The following CCNJ variants were observed in gnomAD, a reference collection of about 807,000 sequenced individuals.
The protein encoded by CCNJ is cyclin-J.
In CCNJ, 12 loss-of-function variants were observed where a neutral mutation model predicts 41.4. The ratio of observed to expected loss-of-function variants is 0.29; its 90% confidence interval spans 0.19 to 0.47. The LOEUF (loss-of-function observed/expected upper bound fraction) is 0.47. Ranked by LOEUF, CCNJ falls within the 20% of genes least tolerant of loss-of-function variation. The pLI is 1.00. For missense variants in CCNJ, 340 were observed against 464.6 expected, an observed-to-expected ratio of 0.73 and a Z score of 2.47; for synonymous variants, 161 against 173.4, an observed-to-expected ratio of 0.93 and a Z score of 0.56.
chr10:96,053,852 G>GA (rs2080601197), intron 3 of CCNJ, among the ~76,000 whole-genome samples: 1 of 151,938 alleles, frequency 6.6e-6, no homozygotes, highest in African/African-American at 2.4e-5. Context: ...TTTTTTCTAT[G>GA]AATTACCTTT....
chr10:96,044,858 C>T lies in CCNJ; in HGVS notation c.69+396C>T, dbSNP rs542521915. Among the ~76,000 whole-genome samples the T allele has an allele frequency of 5.2e-4, 79 of 152,302 alleles. 3 individuals are homozygous for T. The South Asian group carries it at 0.016, about 30-fold the overall frequency. On this transcript the variant is annotated intron_variant, in intron 2 of 5. Coordinates refer to ENST00000465148, the MANE Select transcript of CCNJ (RefSeq NM_001134375.2). ...TTGTACATAAATTCCTCAGCCTTTC[C>T]GCTAACTTGCCGTGAGACGTGGACA...
rs1564711050 is a variant in CCNJ, at chr10:96,060,361, A to T, written c.*2120A>T. 3 of 152,654 alleles carry T rather than the reference A, an allele frequency of 2.0e-5. No individual in the cohort carries two copies. The highest frequency in any genetic ancestry group is 6.5e-5 in the Admixed American group (1 of 15,286). The allele number at this position is 152,654 out of a possible 1,614,324, so 9.5% of individuals were successfully genotyped here. On this transcript the variant is annotated 3_prime_UTR_variant, in exon 6 of 6. Transcript: ENST00000465148. ...CTTGTTATAGAAGAATATGCCTTTT[A>T]AAAAAGCTTATTAATAACACTTTCC...
intron 3 of CCNJ, among the ~76,000 whole-genome samples, chr10:96,053,677 C>CAAAGTGA (rs2080595671): frequency 6.6e-6 from 1 of 152,122 alleles, no homozygotes; most frequent in South Asian, 2.1e-4. Context: ...GGAGTCAAGA[C>CAAAGTGA]AAAGTGAAAA....
chr10:96,057,751 T>G, intron 5 of CCNJ, 79 bp from the exon 6 acceptor site: 1 of 1,340,084 alleles, frequency 7.5e-7, no homozygotes, highest in Non-Finnish European at 1.0e-6. Context: ...AGCTGTTGAG[T>G]TGGGGATGGG....
intron 2 of CCNJ, among the ~76,000 whole-genome samples, chr10:96,046,799 C>T (rs1433752907): frequency 6.6e-6 from 1 of 152,200 alleles, no homozygotes; most frequent in African/African-American, 2.4e-5. Flanking sequence ...CAGCTGTCAC[C>T]TTACACCCTT....
At chr10:96,055,985 A>G (rs2080675033) in intron 3 of CCNJ, among the ~76,000 whole-genome samples, 1 of 152,186 alleles carries the variant, frequency 6.6e-6, no homozygotes, top group South Asian at 2.1e-4. Context: ...TTTATTTCAG[A>G]TAAAGCTATG....
At chr10:96,053,659 A>G (rs1009319966) in intron 3 of CCNJ, among the ~76,000 whole-genome samples, 3 of 152,332 alleles carry the variant, frequency 2.0e-5, no homozygotes, top group East Asian at 1.9e-4. Context: ...TAACTAAGAA[A>G]TGATCTTGGA....
chr10:96,049,323 G>A (rs140945617), intron 2 of CCNJ, among the ~76,000 whole-genome samples: 1 of 151,924 alleles, frequency 6.6e-6, no homozygotes, highest in Non-Finnish European at 1.5e-5. Flanking sequence ...AGTTGTATAA[G>A]TTATTTATAT....
chr10:96,056,971 C>T lies in CCNJ; in HGVS notation c.551C>T (p.Ala184Val), dbSNP rs1326831617. 6.2e-7 allele frequency: 1 copy of T among 1,613,922 alleles called. No homozygotes were observed. The highest frequency in any genetic ancestry group is 1.1e-5 in the South Asian group (1 of 91,054). Residue 184 changes from alanine to valine, a missense_variant, in exon 4 of 6, where the codon GCA becomes GTA. Physicochemically the swap from Ala to Val is moderately conservative, Grantham distance 64. Coordinates refer to ENST00000465148, the MANE Select transcript of CCNJ (RefSeq NM_001134375.2). ...EKTKLYMAKY[A>V]DYFLEVSLQD... ...ACTAAACTCTACATGGCCAAATATG[C>T]AGATTACTTCCTGGAAGTATCTTTG...
chr10:96,044,772 T>G (rs2080314634), intron 2 of CCNJ, among the ~76,000 whole-genome samples: 1 of 152,202 alleles, frequency 6.6e-6, no homozygotes, highest in African/African-American at 2.4e-5. Flanking sequence ...GAATTTTTGT[T>G]GGGCAGAACA....
chr10:96,051,285 G>A (rs1008448421), intron 3 of CCNJ, among the ~76,000 whole-genome samples: 1 of 151,738 alleles, frequency 6.6e-6, no homozygotes, highest in African/African-American at 2.4e-5. Context: ...ATTGCTCGTT[G>A]GTACTCTCAC....
intron 2 of CCNJ, among the ~76,000 whole-genome samples, chr10:96,049,948 A>G (rs1409789887): frequency 6.6e-6 from 1 of 152,158 alleles, no homozygotes; most frequent in Non-Finnish European, 1.5e-5. Flanking sequence ...TTTTTCTGAA[A>G]ACACCTGGTA....
At chr10:96,049,481 C>CTTTTTTTTTTTTTTT (rs150769179) in intron 2 of CCNJ, among the ~76,000 whole-genome samples, 4 of 108,310 alleles carry the variant, frequency 3.7e-5, no homozygotes, top group African/African-American at 7.1e-5. Context: ...TTTTCTTTTT[C>CTTTTTTTTTTTTTTT]TTTTTTTTTT....
In CCNJ at chr10:96,044,477, C is replaced by T. The variant is rs762458323; in HGVS notation, c.69+15C>T. ...TTCGCTACAAGGTAACTCCGAGGCC[C>T]GGCCTGCCTTCTCCTTCTGTGTGTC... On this transcript the variant is annotated intron_variant, in intron 2 of 5. Transcript: ENST00000465148. 7.7e-5 allele frequency: 116 copies of T among 1,509,746 alleles called. No homozygotes were observed. The East Asian group carries it at 2.8e-3, about 37-fold the overall frequency. The allele number at this position is 1,509,746 out of a possible 1,614,324, so 93.5% of individuals were successfully genotyped here.
chr10:96,048,337 C>G (rs1218714383), intron 2 of CCNJ, among the ~76,000 whole-genome samples: 1 of 152,162 alleles, frequency 6.6e-6, no homozygotes, highest in Non-Finnish European at 1.5e-5. Context: ...ATTTCTGCCT[C>G]TAGGTCTTTG....
At chr10:96,057,057 T>C in intron 4 of CCNJ, 31 bp from the exon 5 acceptor site, 1 of 1,613,798 alleles carries the variant, frequency 6.2e-7, no homozygotes, top group Non-Finnish European at 8.5e-7. Context: ...GTGTATTCTG[T>C]TCCTTAAGTT....
chr10:96,050,540 A>C, intron 3 of CCNJ, 74 bp downstream of exon 3: 1 of 1,098,464 alleles, frequency 9.1e-7, no homozygotes, highest in African/African-American at 1.6e-5. Context: ...TGTAGAACTC[A>C]GTGAAATATC....
In CCNJ at chr10:96,057,112, C is replaced by G; in HGVS notation, c.605C>G (p.Pro202Arg). ...LQDYAFLNYA[P>R]SLVAAACVAS... ...GATTATGCCTTTCTAAATTATGCAC[C>G]TTCTTTAGTAGCTGCTGCATGTGTG... Residue 202 changes from proline to arginine, a missense_variant, in exon 5 of 6, where the codon CCT (proline) becomes CGT (arginine). Around this residue, in one of 3 missense-constraint regions of CCNJ, gnomAD observed 137 missense variants for 252.9 expected, o/e 0.54. Coordinates refer to ENST00000465148, the MANE Select transcript of CCNJ (RefSeq NM_001134375.2). The G allele has an allele frequency of 6.2e-7, 1 of 1,614,108 alleles. No homozygotes were observed. The highest frequency in any genetic ancestry group is 8.5e-7 in the Non-Finnish European group (1 of 1,180,002).
chr10:96,051,985 C>A (rs956220376), intron 3 of CCNJ, among the ~76,000 whole-genome samples: 2 of 152,184 alleles, frequency 1.3e-5, no homozygotes, highest in Non-Finnish European at 2.9e-5. Flanking sequence ...CCAGTCTCAT[C>A]CCCATGTACG....
Sources: gnomAD v4.1 joint callset for allele counts (sites outside exome capture counted in the v4.1 genomes callset) on GRCh38, gnomAD v4.1.1 for gene constraint, gnomAD v4.1.1 regional missense constraint, MANE v1.5 for transcripts, NCBI Gene and HGNC (gene_info 2026-07-23, HGNC 2026-07-21) for gene names.